GRHL2: variants seen among roughly 807,000 people sequenced by gnomAD.
GRHL2 encodes grainyhead like transcription factor 2.
Under a neutral mutation model 83.8 loss-of-function variants are expected in GRHL2, and 21 were observed. The observed-to-expected ratio is 0.25, with a 90% CI of 0.18 to 0.36. The LOEUF (loss-of-function observed/expected upper bound fraction) is 0.36, where lower values mean the gene tolerates loss of function less well. GRHL2 is among the 10% of genes least tolerant of loss of function. The pLI is 1.00. For synonymous variants in GRHL2, 280 were observed against 278.9 expected (o/e 1.00, Z -0.04); for missense variants, 623 against 781.8 (o/e 0.80, Z 2.42).
intron 9 of GRHL2, among the ~76,000 whole-genome samples, chr8:101,622,794 G>A (rs531392690): frequency 6.6e-6 from 1 of 152,272 alleles, no homozygotes; most frequent in African/African-American, 2.4e-5. Flanking sequence ...CACCCGAGCA[G>A]TACACACTGC....
chr8:101,651,544 T>A (rs1813621737), intron 14 of GRHL2, among the ~76,000 whole-genome samples: 1 of 152,200 alleles, frequency 6.6e-6, no homozygotes, highest in South Asian at 2.1e-4. Flanking sequence ...TCTGACCAGT[T>A]CTATAAGTGT....
intron 11 of GRHL2, among the ~76,000 whole-genome samples, chr8:101,633,088 A>C (rs1341377533): frequency 6.6e-6 from 1 of 152,232 alleles, no homozygotes; most frequent in African/African-American, 2.4e-5. Context: ...TGTTCATATT[A>C]TGATCCCAAA....
intron 2 of GRHL2, among the ~76,000 whole-genome samples, chr8:101,552,246 C>G (rs969032521): frequency 6.6e-6 from 1 of 152,208 alleles, no homozygotes; most frequent in African/African-American, 2.4e-5. Context: ...TGGCCCGCCC[C>G]GTGCCTAAGC....
chr8:101,673,863 G>A (rs1003197329), downstream of GRHL2, among the ~76,000 whole-genome samples: 34 of 152,228 alleles, frequency 2.2e-4, 1 homozygote, highest in African/African-American at 8.2e-4. Context: ...CTGTCTCTCA[G>A]ACCACAGTGC....
chr8:101,652,595 T>TG (rs1813693447), intron 14 of GRHL2, among the ~76,000 whole-genome samples: 2 of 90,994 alleles, frequency 2.2e-5, no homozygotes, highest in Non-Finnish European at 3.9e-5. Context: ...TGTCTGTGTG[T>TG]GTGTGGTGTG....
the GRHL2 span, among the ~76,000 whole-genome samples, chr8:101,678,676 G>A: frequency 2.6e-5 from 4 of 150,998 alleles, no homozygotes; most frequent in African/African-American, 9.7e-5. Flanking sequence ...AGACTTAAAT[G>A]TCCCTGTCTG....
chr8:101,595,016 T>G (rs374204774), intron 7 of GRHL2, among the ~76,000 whole-genome samples: 1 of 152,186 alleles, frequency 6.6e-6, no homozygotes, highest in African/African-American at 2.4e-5. Context: ...AAAAGCAGAT[T>G]AAGGATAATC....
rs575843403 is a variant in GRHL2 at position 101,668,020 on chromosome 8, G to T, written c.*1317G>T. 6.5e-3 allele frequency: 986 copies of T among 152,646 alleles called. 9 individuals are homozygous for T. The highest frequency in any genetic ancestry group is 9.7e-3 in the Non-Finnish European group (662 of 68,062). 9.5% of individuals were successfully genotyped at this position (152,646 alleles called of 1,614,324 possible). ...TCACTCCTGGATGCTGCGTTTTAAG[G>T]AAGTGAGTGAGAAAGAATGTGCCAA... On this transcript the variant is annotated 3_prime_UTR_variant, in exon 16 of 16. Transcript: ENST00000646743.
At chr8:101,554,534 C>A (rs1195535990) in intron 3 of GRHL2, among the ~76,000 whole-genome samples, 2 of 138,364 alleles carry the variant, frequency 1.4e-5, no homozygotes, top group African/African-American at 7.0e-5. Context: ...TAAAAAAAAA[C>A]TGCAGTGAAG....
chr8:101,496,403 C>G (rs1418250022), intron 1 of GRHL2, among the ~76,000 whole-genome samples: 6 of 152,092 alleles, frequency 3.9e-5, no homozygotes, highest in African/African-American at 1.2e-4. Flanking sequence ...TGCAAAATTT[C>G]TTTTAAGGTT....
rs982917427 is a variant in GRHL2, at chr8:101,669,292, A to G, written c.*2589A>G. 2.0e-5 allele frequency: 3 copies of G among 147,960 alleles called. No homozygotes were observed. The highest frequency in any genetic ancestry group is 2.0e-4 in the Admixed American group (3 of 14,820). The allele number at this position is 147,960 out of a possible 1,614,324, so 9.2% of individuals were successfully genotyped here. A position where few individuals can be genotyped will look rare whatever the true frequency, so the allele number is the denominator to read the frequency against. On this transcript the variant is annotated 3_prime_UTR_variant, in exon 16 of 16. Coordinates refer to ENST00000646743, the MANE Select transcript of GRHL2 (RefSeq NM_024915.4). ...AACAAAGTCTGAACTGAACAGAACA[A>G]GACTTTTTCCTCATACATCTCCAAA...
intron 1 of GRHL2, among the ~76,000 whole-genome samples, chr8:101,512,041 A>C (rs1275545147): frequency 2.6e-5 from 4 of 152,088 alleles, no homozygotes; most frequent in Non-Finnish European, 5.9e-5. Flanking sequence ...ACATTGATCT[A>C]TTTATGCCTA....
intron 9 of GRHL2, among the ~76,000 whole-genome samples, chr8:101,630,490 T>A (rs1424208810): frequency 6.6e-6 from 1 of 152,204 alleles, no homozygotes; most frequent in East Asian, 1.9e-4. Context: ...GTCCTTTGTC[T>A]TTTGATTGAT....
intron 1 of GRHL2, among the ~76,000 whole-genome samples, chr8:101,532,005 T>C (rs1200619166): frequency 1.3e-5 from 2 of 152,234 alleles, no homozygotes; most frequent in African/African-American, 4.8e-5. Context: ...AATTGAATCT[T>C]CTCTTTCCCG....
chr8:101,530,156 G>A (rs955243284), intron 1 of GRHL2, among the ~76,000 whole-genome samples: 1 of 152,188 alleles, frequency 6.6e-6, no homozygotes, highest in Non-Finnish European at 1.5e-5. Context: ...CAGTCCTCAA[G>A]CACACATTAA....
At chr8:101,507,473 C>T (rs559929942) in intron 1 of GRHL2, among the ~76,000 whole-genome samples, 6 of 152,014 alleles carry the variant, frequency 3.9e-5, no homozygotes, top group African/African-American at 9.6e-5. Context: ...CACTTTTCTA[C>T]CACTCAGAGA....
intron 7 of GRHL2, among the ~76,000 whole-genome samples, chr8:101,577,801 T>C (rs1461518629): frequency 6.6e-6 from 1 of 152,202 alleles, no homozygotes; most frequent in Non-Finnish European, 1.5e-5. Context: ...CTAAAACGTG[T>C]TTTCATGGCC....
chr8:101,573,559 A>T, intron 5 of GRHL2, 109 bp from the exon 6 acceptor site: 1 of 1,360,670 alleles, frequency 7.3e-7, no homozygotes, highest in Non-Finnish European at 1.0e-6. Flanking sequence ...TGTCTCTAAA[A>T]CAGTAAACAT....
Position 101,552,695 on chromosome 8 carries a change from ATGGT to A in GRHL2, c.217-15_217-12del, listed in dbSNP as rs745332104. 1.9e-6 allele frequency: 3 copies of A among 1,613,372 alleles called. No homozygotes were observed. The highest frequency in any genetic ancestry group is 2.5e-6 in the Non-Finnish European group (3 of 1,179,480). ...GGTTGCCTCTGTGTATGTCTGACTGATGGTTGGTGATGTTTCCAGGTTCCTCGAG... is the reference window on the plus strand; with the variant it reads ...GGTTGCCTCTGTGTATGTCTGACTGATGGTGATGTTTCCAGGTTCCTCGAG... On this transcript the variant is annotated splice_polypyrimidine_tract_variant and intron_variant, in intron 2 of 15. Coordinates refer to ENST00000646743, the MANE Select transcript of GRHL2 (RefSeq NM_024915.4).
Sources: gnomAD v4.1 joint callset for allele counts (sites outside exome capture counted in the v4.1 genomes callset) on GRCh38, gnomAD v4.1.1 for gene constraint, MANE v1.5 for transcripts, NCBI Gene and HGNC (gene_info 2026-07-23, HGNC 2026-07-21) for gene names.